The following ARID1B variants were observed in gnomAD, a reference collection of about 807,000 sequenced individuals.
ARID1B encodes AT-rich interactive domain-containing protein 1B.
A neutral mutation model predicts 212.3 loss-of-function variants in ARID1B; 30 were observed. The observed-to-expected ratio is 0.14, with a 90% confidence interval of 0.11 to 0.19. ARID1B has a LOEUF of 0.19. Ranked by LOEUF, ARID1B falls within the 10% of genes least tolerant of loss-of-function variation. ARID1B has a pLI of 1.00. For synonymous variants in ARID1B, 1,402 were observed against 1,301.7 expected (o/e 1.08, Z -1.66); for missense variants, 2,891 against 3,204.0 (o/e 0.90, Z 2.36).
chr6:156,964,265 T>C (rs2128329844), intron 4 of ARID1B, among the ~76,000 whole-genome samples: 1 of 152,374 alleles, frequency 6.6e-6, no homozygotes. Context: ...ATCAGCTCTT[T>C]TTCATTCTCT....
At chr6:157,078,228 G>C (rs772659132) in intron 4 of ARID1B, among the ~76,000 whole-genome samples, 1 of 152,040 alleles carries the variant, frequency 6.6e-6, no homozygotes, top group Non-Finnish European at 1.5e-5. Context: ...GCACTTAGAC[G>C]GCCCTTGATC....
chr6:156,970,392 C>G (rs1198074295), intron 4 of ARID1B, among the ~76,000 whole-genome samples: 4 of 152,180 alleles, frequency 2.6e-5, no homozygotes, highest in African/African-American at 9.6e-5. Context: ...CAAGCTTTGA[C>G]TTTTTAAATA....
intron 3 of ARID1B, among the ~76,000 whole-genome samples, chr6:156,923,065 T>G (rs556632598): frequency 1.3e-5 from 2 of 152,318 alleles, no homozygotes; most frequent in Non-Finnish European, 2.9e-5. Flanking sequence ...GATGATGATC[T>G]TCTCAAGTTG....
In ARID1B at chr6:156,778,726, T is replaced by G. The variant is rs1401971317; in HGVS notation, c.1046T>G (p.Met349Arg). The G allele has an allele frequency of 5.3e-6, 8 of 1,522,000 alleles. No individual in the cohort carries two copies. Among genetic ancestry groups the G allele is most frequent in the East Asian group, 2.7e-5 (1 of 37,716 alleles). 94.3% of individuals were successfully genotyped at this position (1,522,000 alleles called of 1,614,324 possible). The change falls in exon 1 of 20, where the codon ATG becomes AGG. Residue 349 changes from methionine to arginine, a missense_variant. Coordinates refer to ENST00000636930, the MANE Select transcript of ARID1B (RefSeq NM_001374828.1). ...CAACAAAGCCCCGGGATGGGGATGA[T>G]GCACTCCGCCTCCGCCGCCGCCGCC... ...GGQQSPGMGM[M>R]HSASAAAAGA...
At chr6:156,866,028 C>T (rs1377134668) in intron 2 of ARID1B, among the ~76,000 whole-genome samples, 1 of 152,102 alleles carries the variant, frequency 6.6e-6, no homozygotes, top group Non-Finnish European at 1.5e-5. Context: ...GGTTGCCTGG[C>T]CAGTTGTTCA....
chr6:157,089,880 C>T (rs954629767), intron 5 of ARID1B, among the ~76,000 whole-genome samples: 1 of 151,384 alleles, frequency 6.6e-6, no homozygotes, highest in East Asian at 1.9e-4. Flanking sequence ...GATCCCATCA[C>T]GTTGCACTTA....
At chr6:156,991,407 T>A (rs1583095567) in intron 4 of ARID1B, among the ~76,000 whole-genome samples, 1 of 152,250 alleles carries the variant, frequency 6.6e-6, no homozygotes, top group Non-Finnish European at 1.5e-5. Context: ...ATTTTTTGTA[T>A]TTTTAGTAGA....
At chr6:156,785,167 G>C (rs555054410) in intron 1 of ARID1B, among the ~76,000 whole-genome samples, 2 of 152,210 alleles carry the variant, frequency 1.3e-5, no homozygotes, top group Non-Finnish European at 2.9e-5. Context: ...ATGAACTAAT[G>C]ATGAAATTAA....
chr6:157,139,749 G>C (rs1278833105), intron 7 of ARID1B, among the ~76,000 whole-genome samples: 2 of 151,028 alleles, frequency 1.3e-5, no homozygotes, highest in Non-Finnish European at 2.9e-5. Context: ...TGAAGATGGA[G>C]TTTTGCTGTG....
rs1188660877 is a variant in ARID1B, at chr6:156,778,225, A to T, written c.545A>T (p.His182Leu). Residue 182 changes from histidine to leucine, a missense_variant, in exon 1 of 20, where the codon CAC becomes CTC. Physicochemically the swap from His to Leu is moderately conservative, Grantham distance 99. Transcript: ENST00000636930. ...HAHHHHHHAH[H>L]LHHHHALQQQ... ...CACCACCACCACCACCATGCCCACC[A>T]CCTCCACCACCACCACGCACTACAG... 2.0e-6 allele frequency: 3 copies of T among 1,538,174 alleles called. No homozygotes were observed. The highest frequency in any genetic ancestry group is 2.6e-6 in the Non-Finnish European group (3 of 1,145,500).
At chr6:156,975,899 G>A (rs775140264) in intron 4 of ARID1B, among the ~76,000 whole-genome samples, 8 of 152,102 alleles carry the variant, frequency 5.3e-5, no homozygotes, top group East Asian at 3.9e-4. Context: ...TCAGCAAAGG[G>A]TGATGGGATT....
intron 4 of ARID1B, among the ~76,000 whole-genome samples, chr6:157,031,938 C>T (rs530518153): frequency 3.3e-5 from 5 of 152,208 alleles, no homozygotes; most frequent in South Asian, 2.1e-4. Flanking sequence ...CTGGGACTAC[C>T]GGCATGCGCC....
At chr6:157,180,499 C>G (rs1322020829) in intron 11 of ARID1B, among the ~76,000 whole-genome samples, 1 of 152,160 alleles carries the variant, frequency 6.6e-6, no homozygotes, top group Non-Finnish European at 1.5e-5. Context: ...GATGCTGTAG[C>G]ATTTTAACGA....
intron 1 of ARID1B, among the ~76,000 whole-genome samples, chr6:156,824,213 C>CT (rs1203728620): frequency 6.6e-6 from 1 of 152,128 alleles, no homozygotes; most frequent in Non-Finnish European, 1.5e-5. Flanking sequence ...AGCCAAGTAA[C>CT]TAAAACCAGA....
At chr6:156,869,541 A>T (rs964471404) in intron 2 of ARID1B, among the ~76,000 whole-genome samples, 5 of 152,224 alleles carry the variant, frequency 3.3e-5, no homozygotes, top group African/African-American at 1.2e-4. Flanking sequence ...GCCTGAAAAT[A>T]GGGTTTTCAG....
rs1789963794 is a variant in ARID1B, at chr6:157,148,520, A to G, written c.2762-104A>G. The stretch of plus-strand genomic sequence containing the variant: ...ACAGGAAGGGCCTATAACGGTCATG[A>G]CTAATACTCCGTGCTGATCGCATTG... On this transcript the variant is annotated intron_variant, in intron 7 of 19. Coordinates refer to ENST00000636930, the MANE Select transcript of ARID1B (RefSeq NM_001374828.1). The surrounding 1 kb of genome is among the most constrained non-coding windows in gnomAD (Gnocchi z 5.6). The G allele has an allele frequency of 1.5e-6, 2 of 1,290,740 alleles. No homozygotes were observed. Among genetic ancestry groups the G allele is most frequent in the Non-Finnish European group, 2.1e-6 (2 of 941,856 alleles). 80.0% of individuals were successfully genotyped at this position (1,290,740 alleles called of 1,614,324 possible). A position where few individuals can be genotyped will look rare whatever the true frequency, so the allele number is the denominator to read the frequency against.
At chr6:157,185,586 G>A (rs1310355260) in intron 13 of ARID1B, 1 of 152,252 alleles carries the variant, frequency 6.6e-6, no homozygotes, top group Admixed American at 6.5e-5. Flanking sequence ...ACTAGCTGGG[G>A]AGTAGAAGGT....
At chr6:157,138,806 G>A (rs1024417936) in intron 7 of ARID1B, among the ~76,000 whole-genome samples, 1 of 152,178 alleles carries the variant, frequency 6.6e-6, no homozygotes, top group Non-Finnish European at 1.5e-5. Flanking sequence ...AATCGACAGT[G>A]CAAAGCAAAA....
rs140463738 is a variant in ARID1B at position 156,843,994 on chromosome 6, TG to T, written c.1986+14577del. On this transcript the variant is annotated intron_variant, in intron 2 of 19. Coordinates refer to ENST00000636930, the MANE Select transcript of ARID1B (RefSeq NM_001374828.1). ...TCTTGCTGTAGGAGTTTGCTGGGTC[TG>T]GGGAGAGAGGCATGTGTTCTTGGGG... Among the ~76,000 whole-genome samples the T allele has an allele frequency of 8.0e-3, 1,216 of 152,298 alleles. 18 individuals are homozygous for T. Among genetic ancestry groups the T allele is most frequent in the African/African-American group, 0.028 (1,158 of 41,562 alleles).
Sources: gnomAD v4.1 joint callset for allele counts (sites outside exome capture counted in the v4.1 genomes callset) on GRCh38, gnomAD v4.1.1 for gene constraint, Gnocchi (gnomAD v3.1) non-coding constraint, MANE v1.5 for transcripts, NCBI Gene and HGNC (gene_info 2026-07-23, HGNC 2026-07-21) for gene names.